The following SLC6A6 variants were observed in gnomAD, a reference collection of about 807,000 sequenced individuals.
The protein encoded by SLC6A6 is sodium- and chloride-dependent taurine transporter.
In SLC6A6, 16 loss-of-function variants were observed where a neutral mutation model predicts 68.8. That is an observed-to-expected ratio of 0.23 (90% CI 0.16 to 0.35). The LOEUF (loss-of-function observed/expected upper bound fraction) is 0.35, where lower values mean the gene tolerates loss of function less well. Among genes scored for constraint, SLC6A6 ranks in the 10% least tolerant of loss-of-function variants. The probability of loss-of-function intolerance (pLI) is 1.00; values close to 1 mark genes in which losing one functional copy is unlikely to be tolerated. For missense variants in SLC6A6, 474 were observed against 802.8 expected (o/e 0.59, Z 4.95); for synonymous variants, 312 against 315.4 (o/e 0.99, Z 0.12).
At chr3:14,421,050 G>A (rs1207670521) in intron 2 of SLC6A6, among the ~76,000 whole-genome samples, 1 of 152,218 alleles carries the variant, frequency 6.6e-6, no homozygotes, top group Non-Finnish European at 1.5e-5. Flanking sequence ...TGACCCCGCA[G>A]GGGTTGCCCT....
At chr3:14,443,288 G>A (rs576208209) in intron 2 of SLC6A6, among the ~76,000 whole-genome samples, 4 of 152,300 alleles carry the variant, frequency 2.6e-5, no homozygotes, top group Admixed American at 6.5e-5. Flanking sequence ...TGTGAAAGAC[G>A]ATGCTAGGGC....
In SLC6A6 at chr3:14,445,223, A is replaced by C. The variant is rs185294927; in HGVS notation, c.230-494A>C. ...GGATCACGAGGTCAGGAGATTGAGA[A>C]CATCCTGACTAACATGGTGAAACCC... On this transcript the variant is annotated intron_variant, in intron 3 of 14. Transcript: ENST00000622186. Among the ~76,000 whole-genome samples, 515 of 151,770 alleles carry C rather than the reference A, an allele frequency of 3.4e-3. 2 individuals are homozygous for C. Among genetic ancestry groups the C allele is most frequent in the African/African-American group, 8.8e-3 (365 of 41,316 alleles).
At chr3:14,445,947 A>C in intron 4 of SLC6A6, 96 bp downstream of exon 4, 1 of 1,246,366 alleles carries the variant, frequency 8.0e-7, no homozygotes, top group South Asian at 1.3e-5. Context: ...TTGGAGCCTC[A>C]TGCACATCAC....
intron 2 of SLC6A6, among the ~76,000 whole-genome samples, chr3:14,425,766 GAGACTACC>G (rs1196914370): frequency 6.6e-6 from 1 of 152,140 alleles, no homozygotes; most frequent in African/African-American, 2.4e-5. Flanking sequence ...TGTGGGTTGG[GAGACTACC>G]CATGGTCCTT....
intron 3 of SLC6A6, 46 bp downstream of exon 3, chr3:14,443,909 G>A (rs372093120): frequency 2.9e-5 from 40 of 1,369,076 alleles, no homozygotes; most frequent in East Asian, 1.6e-4. Flanking sequence ...GTACAAAGCC[G>A]CCTTAGAGCT....
intron 9 of SLC6A6, among the ~76,000 whole-genome samples, chr3:14,470,504 A>T (rs1255846754): frequency 2.0e-5 from 3 of 152,234 alleles, no homozygotes; most frequent in Non-Finnish European, 1.5e-5. Context: ...TTAGAGAAAG[A>T]CGCTCAGACC....
intron 3 of SLC6A6, chr3:14,444,691 C>T (rs1260474386): frequency 4.4e-6 from 2 of 456,030 alleles, no homozygotes; most frequent in African/African-American, 4.0e-5. Context: ...GTAGAACCAC[C>T]TTTTGGGGAA....
intron 2 of SLC6A6, among the ~76,000 whole-genome samples, chr3:14,435,170 C>T (rs921073050): frequency 1.4e-4 from 22 of 152,164 alleles, no homozygotes; most frequent in Non-Finnish European, 2.4e-4. Context: ...GGAGTTGGGA[C>T]GTGGGTGCAA....
chr3:14,485,329 C>T lies in SLC6A6; in HGVS notation c.*322C>T, dbSNP rs1217203885. On this transcript the variant is annotated 3_prime_UTR_variant, in exon 15 of 15. Transcript: ENST00000622186. ...ATTTTTCTTTGTATTTTTTTTTTTACATATAAGTATATATACACTTAGAGA... is the reference window on the plus strand; with the variant it reads ...ATTTTTCTTTGTATTTTTTTTTTTATATATAAGTATATATACACTTAGAGA... The T allele has an allele frequency of 1.5e-5, 3 of 195,226 alleles. No individual in the cohort carries two copies. The highest frequency in any genetic ancestry group is 5.6e-5 in the Admixed American group (1 of 18,000). 12.1% of individuals were successfully genotyped at this position (195,226 alleles called of 1,614,324 possible).
At chr3:14,412,804 G>A (rs1201351975) in intron 1 of SLC6A6, among the ~76,000 whole-genome samples, 1 of 152,230 alleles carries the variant, frequency 6.6e-6, no homozygotes, top group Non-Finnish European at 1.5e-5. Flanking sequence ...CCTGTGCTTC[G>A]TCAACTCCTC....
At chr3:14,455,527 A>C (rs933486664) in intron 5 of SLC6A6, among the ~76,000 whole-genome samples, 1 of 152,244 alleles carries the variant, frequency 6.6e-6, no homozygotes, top group African/African-American at 2.4e-5. Flanking sequence ...TGGGCAACAC[A>C]GACATTTCCC....
intron 1 of SLC6A6, among the ~76,000 whole-genome samples, chr3:14,409,218 C>T (rs897873502): frequency 2.6e-5 from 4 of 152,224 alleles, no homozygotes; most frequent in Admixed American, 2.6e-4. Context: ...ACGGATCTGC[C>T]AGGCCATTCC....
chr3:14,450,349 A>C lies in SLC6A6; in HGVS notation c.599+2533A>C, dbSNP rs1700227185. 6.6e-6 allele frequency among the ~76,000 whole-genome samples: 1 copy of C among 151,940 alleles called. No individual in the cohort carries two copies. The highest frequency in any genetic ancestry group is 2.4e-5 in the African/African-American group (1 of 41,374). ...TCTCCATTCTGAGCACCCCAGCTCC[A>C]TTTTCTGGCCTGGAAGACACTGAGA... is the stretch of plus-strand genomic sequence containing the variant. On this transcript the variant is annotated intron_variant, in intron 5 of 14. Coordinates refer to ENST00000622186, the MANE Select transcript of SLC6A6 (RefSeq NM_003043.6). This position sits in a 1 kb window ranked among gnomAD's most constrained non-coding sequence, Gnocchi z 4.1.
chr3:14,419,628 G>C (rs527516001), intron 2 of SLC6A6, among the ~76,000 whole-genome samples: 2 of 152,174 alleles, frequency 1.3e-5, no homozygotes, highest in African/African-American at 4.8e-5. Flanking sequence ...CTGAAATGGA[G>C]CAATAGTGGC....
intron 2 of SLC6A6, among the ~76,000 whole-genome samples, chr3:14,435,281 G>A (rs1294803362): frequency 3.3e-5 from 5 of 152,186 alleles, no homozygotes; most frequent in Non-Finnish European, 5.9e-5. Flanking sequence ...TGATGAGGCC[G>A]GGGGTGAGGT....
chr3:14,416,269 C>G (rs1199937058), intron 1 of SLC6A6, 143 bp from the exon 2 acceptor site: 1 of 395,482 alleles, frequency 2.5e-6, no homozygotes, highest in African/African-American at 2.1e-5. Flanking sequence ...CCTCAGCGTC[C>G]TGGCCTTCCA....
intron 2 of SLC6A6, chr3:14,432,732 T>A (rs1339921279): frequency 6.6e-6 from 1 of 152,284 alleles, no homozygotes; most frequent in Non-Finnish European, 1.5e-5. Context: ...AATCTGCAGA[T>A]GGGGCTGCTC....
intron 10 of SLC6A6, among the ~76,000 whole-genome samples, chr3:14,475,999 A>G (rs1700871343): frequency 6.6e-6 from 1 of 152,176 alleles, no homozygotes; most frequent in African/African-American, 2.4e-5. Context: ...GGAAGGGGTT[A>G]GATTTCTCTG....
chr3:14,476,961 C>T (rs1700892681), intron 10 of SLC6A6, among the ~76,000 whole-genome samples: 1 of 152,184 alleles, frequency 6.6e-6, no homozygotes. Context: ...AATATTTGGC[C>T]AGCTCGGTGT....
Sources: gnomAD v4.1 joint callset for allele counts (sites outside exome capture counted in the v4.1 genomes callset) on GRCh38, gnomAD v4.1.1 for gene constraint, Gnocchi (gnomAD v3.1) non-coding constraint, MANE v1.5 for transcripts, NCBI Gene and HGNC (gene_info 2026-07-23, HGNC 2026-07-21) for gene names.